ZNF133: variants seen among roughly 807,000 people sequenced by gnomAD.
ZNF133 encodes the protein zinc finger protein 133 (clone pHZ-13).
A neutral mutation model predicts 54.9 loss-of-function variants in ZNF133; 26 were observed. The ratio of observed to expected loss-of-function variants is 0.47; its 90% confidence interval spans 0.35 to 0.66. ZNF133 has a LOEUF of 0.66. Among genes scored for constraint, ZNF133 ranks in the 30% least tolerant of loss-of-function variants. The pLI is 0.01. For synonymous variants in ZNF133, 298 were observed against 320.3 expected (o/e 0.93, Z 0.74); for missense variants, 653 against 820.8 (o/e 0.80, Z 2.50).
At position 18,299,709 on chromosome 20, in the gene ZNF133, C is replaced by T. The variant is rs535998525; in HGVS notation, c.-178+1245C>T. Among the ~76,000 whole-genome samples, 6 of 152,212 alleles carry T rather than the reference C, an allele frequency of 3.9e-5. No individual in the cohort carries two copies. In the South Asian group the frequency reaches 6.2e-4, roughly 16 times the overall value. On this transcript the variant is annotated intron_variant, in intron 3 of 6. Coordinates refer to ENST00000425686, the MANE Select transcript of ZNF133 (RefSeq NM_001352452.2). The stretch of plus-strand genomic sequence containing the variant: ...AAGCAGCAAGAGAAAAGCAACACTA[C>T]GTACAAGGGATCCTCAATAAGATTA...
intron 1 of ZNF133, among the ~76,000 whole-genome samples, chr20:18,289,355 A>AT (rs2040374510): frequency 6.6e-6 from 1 of 152,156 alleles, no homozygotes; most frequent in Non-Finnish European, 1.5e-5. Flanking sequence ...TTTACATTCC[A>AT]TTTAAGTTTT....
chr20:18,307,737 T>A (rs1248805780), intron 6 of ZNF133, among the ~76,000 whole-genome samples: 2 of 152,198 alleles, frequency 1.3e-5, no homozygotes, highest in Non-Finnish European at 1.5e-5. Context: ...TTTCTGTTGG[T>A]CTGTCTTCAA....
chr20:18,292,801 A>G (rs774408923), intron 1 of ZNF133, among the ~76,000 whole-genome samples: 2 of 152,238 alleles, frequency 1.3e-5, no homozygotes, highest in African/African-American at 2.4e-5. Flanking sequence ...CAGTAGGAGC[A>G]TAATAAATAC....
At chr20:18,303,504 G>C (rs2043887544) in intron 3 of ZNF133, among the ~76,000 whole-genome samples, 2 of 152,094 alleles carry the variant, frequency 1.3e-5, no homozygotes, top group South Asian at 4.1e-4. Flanking sequence ...AATCATGAAA[G>C]AGAACCAAGT....
At chr20:18,293,382 G>C (rs909806397) in intron 1 of ZNF133, among the ~76,000 whole-genome samples, 1 of 152,194 alleles carries the variant, frequency 6.6e-6, no homozygotes, top group African/African-American at 2.4e-5. Flanking sequence ...GGGTCAGCTG[G>C]GACAGCAGGC....
At chr20:18,308,889 C>G (rs2045257786) in intron 6 of ZNF133, among the ~76,000 whole-genome samples, 1 of 152,172 alleles carries the variant, frequency 6.6e-6, no homozygotes, top group Non-Finnish European at 1.5e-5. Context: ...GGAAGTAAAG[C>G]ATCTGTATTA....
chr20:18,293,610 A>G (rs1432865322), intron 1 of ZNF133, among the ~76,000 whole-genome samples: 1 of 152,258 alleles, frequency 6.6e-6, no homozygotes, highest in African/African-American at 2.4e-5. Context: ...ACAGCAATAT[A>G]AACAGTGATA....
At chr20:18,310,201 C>T in intron 6 of ZNF133, 1 of 1,455,014 alleles carries the variant, frequency 6.9e-7, no homozygotes. Context: ...ATGTTGAGCA[C>T]ATTAAAAAGA....
At chr20:18,302,729 G>A (rs940824584) in intron 3 of ZNF133, among the ~76,000 whole-genome samples, 8 of 152,154 alleles carry the variant, frequency 5.3e-5, no homozygotes, top group African/African-American at 1.4e-4. Flanking sequence ...CCATCTGAAT[G>A]GGAAAAAGCG....
intron 1 of ZNF133, among the ~76,000 whole-genome samples, chr20:18,294,656 AGTTTTT>A (rs1417170643): frequency 4.6e-5 from 7 of 152,110 alleles, no homozygotes; most frequent in Non-Finnish European, 1.0e-4. Context: ...TATATTCTTG[AGTTTTT>A]GTTTTGTTTT....
Position 18,316,024 on chromosome 20 carries a change from C to T in ZNF133, c.1173C>T (p.Phe391=). The T allele has an allele frequency of 6.2e-7, 1 of 1,613,222 alleles. No homozygotes were observed. Among genetic ancestry groups the T allele is most frequent in the Admixed American group, 1.7e-5 (1 of 59,940 alleles). ...CCTGCAAGGAGTGTGGGCGATGCTTCAGGCAGAGGACCACCCTTGTCAACC... is the reference window on the plus strand; with the variant it reads ...CCTGCAAGGAGTGTGGGCGATGCTTTAGGCAGAGGACCACCCTTGTCAACC... ...PYACKECGRC[F]RQRTTLVNHQ... The change falls in exon 7 of 7, where the codon TTC becomes TTT. Residue 391 remains phenylalanine, a synonymous_variant. Transcript: ENST00000425686.
At chr20:18,299,907 G>C (rs926520057) in intron 3 of ZNF133, among the ~76,000 whole-genome samples, 1 of 152,124 alleles carries the variant, frequency 6.6e-6, no homozygotes, top group African/African-American at 2.4e-5. Context: ...TAAGTTGGTG[G>C]AGATTACAAC....
intron 1 of ZNF133, among the ~76,000 whole-genome samples, chr20:18,293,111 A>G (rs894412417): frequency 5.3e-5 from 8 of 152,208 alleles, no homozygotes; most frequent in African/African-American, 1.7e-4. Flanking sequence ...ATAACCAGCA[A>G]GGGTTCTGGT....
chr20:18,303,828 C>G (rs536448950), intron 3 of ZNF133, among the ~76,000 whole-genome samples: 32 of 152,112 alleles, frequency 2.1e-4, no homozygotes, highest in Non-Finnish European at 4.1e-4. Flanking sequence ...AATGTGAAAA[C>G]TATAAAAATT....
intron 3 of ZNF133, among the ~76,000 whole-genome samples, chr20:18,300,083 C>G (rs1355705139): frequency 6.6e-6 from 1 of 152,060 alleles, no homozygotes; most frequent in Non-Finnish European, 1.5e-5. Context: ...TTTGTAACTT[C>G]ACTTTTTGTT....
intron 6 of ZNF133, among the ~76,000 whole-genome samples, chr20:18,310,835 G>A (rs576915939): frequency 1.8e-3 from 275 of 152,196 alleles, no homozygotes; most frequent in Middle Eastern, 3.4e-3. Context: ...ATGTCACAAT[G>A]TATATATATT....
At chr20:18,308,348 T>G (rs1417436654) in intron 6 of ZNF133, among the ~76,000 whole-genome samples, 1 of 152,214 alleles carries the variant, frequency 6.6e-6, no homozygotes, top group Non-Finnish European at 1.5e-5. Context: ...ATACATAATA[T>G]AAATTGTCGC....
rs1456662237 is a variant in ZNF133 at position 18,288,920 on chromosome 20, G to A, written c.-432+316G>A. Among the ~76,000 whole-genome samples, 4 of 152,194 alleles carry A rather than the reference G, an allele frequency of 2.6e-5. No individual in the cohort carries two copies. The East Asian group carries it at 7.7e-4, about 29-fold the overall frequency. Reference sequence around the variant, plus strand: ...CAGGTTCGGCTTTGGCTGAAGTCGGGTATTGGGAAAGGGAGTCGCTGATGC... The same window carrying A: ...CAGGTTCGGCTTTGGCTGAAGTCGGATATTGGGAAAGGGAGTCGCTGATGC... On this transcript the variant is annotated intron_variant, in intron 1 of 6. Transcript: ENST00000425686.
chr20:18,306,402 G>A lies in ZNF133; in HGVS notation c.217+9G>A. On this transcript the variant is annotated intron_variant, in intron 6 of 6. Transcript: ENST00000425686. Reference sequence around the variant, plus strand: ...ACCGGCAACCTGTCCAGGTGAGTGGGAAAACACTGGACAAATGAGACATGA... The same window carrying A: ...ACCGGCAACCTGTCCAGGTGAGTGGAAAAACACTGGACAAATGAGACATGA... 1 of 1,610,612 alleles carries A rather than the reference G, an allele frequency of 6.2e-7. No individual in the cohort carries two copies. The highest frequency in any genetic ancestry group is 8.5e-7 in the Non-Finnish European group (1 of 1,177,810).
Sources: allele counts gnomAD v4.1 joint callset (sites outside exome capture counted in the v4.1 genomes callset), GRCh38; gene constraint gnomAD v4.1.1; transcripts MANE v1.5; gene names NCBI Gene and HGNC (gene_info 2026-07-23, HGNC 2026-07-21).